Variants in SLC17A1 observed in about 807,000 individuals in gnomAD.
The protein encoded by SLC17A1 is solute carrier family 17 member 1, also known as sodium-dependent phosphate transport protein 1.
SLC17A1 carries 51 observed loss-of-function variants against 53.5 expected under a neutral mutation model. The observed-to-expected ratio is 0.95, with a 90% confidence interval of 0.76 to 1.20. SLC17A1 has a LOEUF of 1.20. SLC17A1 is among the 50% of genes most tolerant of loss of function. SLC17A1 has a pLI of 0.00. For synonymous variants in SLC17A1, 179 were observed against 198.8 expected (o/e 0.90, Z 0.84); for missense variants, 538 against 568.2 (o/e 0.95, Z 0.54).
the SLC17A1 span, among the ~76,000 whole-genome samples, chr6:25,766,453 G>C: frequency 6.6e-6 from 1 of 152,076 alleles, no homozygotes; most frequent in African/African-American, 2.4e-5. Context: ...AGTGTGACTG[G>C]TGCTTGTGAC....
downstream of SLC17A1, chr6:25,779,989 T>C (rs1472177556): frequency 6.6e-6 from 1 of 152,198 alleles, no homozygotes; most frequent in Non-Finnish European, 1.5e-5. Context: ...ACTGTTGGAA[T>C]CCCACGCACC....
the SLC17A1 span, among the ~76,000 whole-genome samples, chr6:25,737,991 G>A: frequency 1.3e-5 from 2 of 152,130 alleles, no homozygotes; most frequent in African/African-American, 2.4e-5. Flanking sequence ...AGTACAACAA[G>A]GCAAGAAAAA....
the SLC17A1 span, among the ~76,000 whole-genome samples, chr6:25,757,647 C>T: frequency 4.6e-5 from 7 of 152,106 alleles, no homozygotes; most frequent in African/African-American, 1.4e-4. Flanking sequence ...CCTCTCACCC[C>T]TCTTGCTAGC....
the SLC17A1 span, among the ~76,000 whole-genome samples, chr6:25,729,740 A>T: frequency 2.7e-5 from 4 of 150,060 alleles, no homozygotes; most frequent in Admixed American, 6.6e-5. Flanking sequence ...CTTTCCGTGC[A>T]TTTTTTTTTA....
At chr6:25,768,339 T>G in the SLC17A1 span, 1 of 983,044 alleles carries the variant, frequency 1.0e-6, no homozygotes, top group Non-Finnish European at 1.2e-6. Flanking sequence ...TCTACAGGGA[T>G]AGTGGATGAA....
At chr6:25,813,978 C>G (rs900367309) in intron 6 of SLC17A1, among the ~76,000 whole-genome samples, 6 of 152,218 alleles carry the variant, frequency 3.9e-5, no homozygotes, top group Admixed American at 1.3e-4. Context: ...TTTATCCAGT[C>G]TATCATTGAT....
chr6:25,805,443 A>G (rs1342104290), intron 10 of SLC17A1, among the ~76,000 whole-genome samples: 2 of 152,182 alleles, frequency 1.3e-5, no homozygotes, highest in South Asian at 2.1e-4. Context: ...CAAATTGACA[A>G]CCTAATGTCA....
At chr6:25,816,699 G>T (rs998149117) in intron 6 of SLC17A1, among the ~76,000 whole-genome samples, 1 of 152,250 alleles carries the variant, frequency 6.6e-6, no homozygotes, top group African/African-American at 2.4e-5. Flanking sequence ...GTAGGCAATG[G>T]GTACAGACAG....
chr6:25,798,192 T>A (rs1397873968), intron 12 of SLC17A1, among the ~76,000 whole-genome samples: 1 of 152,214 alleles, frequency 6.6e-6, no homozygotes, highest in African/African-American at 2.4e-5. Context: ...CATCTTTCAA[T>A]TCTTATTTAT....
the SLC17A1 span, among the ~76,000 whole-genome samples, chr6:25,742,237 A>G: frequency 6.6e-6 from 1 of 152,210 alleles, no homozygotes; most frequent in Admixed American, 6.5e-5. Context: ...GAGTTCAGCC[A>G]TATCAGGACT....
At chr6:25,817,791 T>C (rs1764409134) in intron 6 of SLC17A1, among the ~76,000 whole-genome samples, 1 of 152,202 alleles carries the variant, frequency 6.6e-6, no homozygotes, top group South Asian at 2.1e-4. Flanking sequence ...GCATTTTATT[T>C]ATATAAAGTC....
At chr6:25,752,743 G>A in the SLC17A1 span, among the ~76,000 whole-genome samples, 5 of 152,114 alleles carry the variant, frequency 3.3e-5, no homozygotes, top group African/African-American at 1.2e-4. Context: ...ACAAGGTCAG[G>A]AGATCGAGAC....
intron 6 of SLC17A1, among the ~76,000 whole-genome samples, chr6:25,818,269 T>C (rs1764429225): frequency 6.6e-6 from 1 of 152,106 alleles, no homozygotes; most frequent in Admixed American, 6.5e-5. Flanking sequence ...AATCATGAGT[T>C]CTTTGAAGGC....
intron 12 of SLC17A1, among the ~76,000 whole-genome samples, chr6:25,789,370 A>C (rs987888442): frequency 1.3e-5 from 2 of 152,260 alleles, no homozygotes; most frequent in Non-Finnish European, 2.9e-5. Flanking sequence ...TAAGTGAATA[A>C]ATTGAAAGTC....
the SLC17A1 span, chr6:25,732,814 C>G: frequency 1.8e-6 from 1 of 566,756 alleles, no homozygotes; most frequent in Non-Finnish European, 2.9e-6. Flanking sequence ...ACCACAAAGT[C>G]CAGTATGAAT....
intron 6 of SLC17A1, among the ~76,000 whole-genome samples, chr6:25,814,062 A>G (rs185655558): frequency 6.6e-6 from 1 of 152,290 alleles, no homozygotes; most frequent in East Asian, 1.9e-4. Context: ...TATGTTCCTG[A>G]GATACAGCCC....
intron 12 of SLC17A1, among the ~76,000 whole-genome samples, chr6:25,783,694 T>C (rs148272361): frequency 2.7e-4 from 41 of 152,268 alleles, no homozygotes; most frequent in Middle Eastern, 3.4e-3. Context: ...TAATAAGACA[T>C]ACCTTTTGTA....
At chr6:25,778,731 G>A (rs1296658302), downstream of SLC17A1, among the ~76,000 whole-genome samples, 1 of 152,210 alleles carries the variant, frequency 6.6e-6, no homozygotes, top group Non-Finnish European at 1.5e-5. Context: ...TAAAGCACAA[G>A]GGGTGGAATT....
At chr6:25,726,997 A>G in the SLC17A1 span, 146 of 1,614,122 alleles carry the variant, frequency 9.0e-5, no homozygotes, top group Non-Finnish European at 1.2e-4. Flanking sequence ...GAAGGCAAAA[A>G]GCGCAAGAGG....
Sources: allele counts gnomAD v4.1 joint callset (sites outside exome capture counted in the v4.1 genomes callset), GRCh38; gene constraint gnomAD v4.1.1; transcripts MANE v1.5; gene names NCBI Gene and HGNC (gene_info 2026-07-23, HGNC 2026-07-21).